The following DMXL1 variants were observed in gnomAD, a reference collection of about 807,000 sequenced individuals.
DMXL1 encodes the protein Dmx like 1.
In DMXL1, 99 loss-of-function variants were observed where a neutral mutation model predicts 319.2. That is an observed-to-expected ratio of 0.31 (90% CI 0.26 to 0.37). The LOEUF is 0.37. DMXL1 is among the 10% of genes least tolerant of loss of function. The probability of loss-of-function intolerance (pLI) is 1.00; values close to 1 mark genes in which losing one functional copy is unlikely to be tolerated. For missense variants in DMXL1, 3,745 were observed against 3,595.6 expected (o/e 1.04, Z -1.06); for synonymous variants, 1,385 against 1,235.2 (o/e 1.12, Z -2.54).
At chr5:119,134,487 G>A (rs1431975594) in intron 13 of DMXL1, 98 bp downstream of exon 13, 1 of 1,027,744 alleles carries the variant, frequency 9.7e-7, no homozygotes, top group African/African-American at 1.6e-5. Flanking sequence ...CCTATAATTT[G>A]TAATAAGCAT....
rs73242989 is a variant in DMXL1, at chr5:119,186,862, T to C, written c.7136-2846T>C. On this transcript the variant is annotated intron_variant, in intron 28 of 43. Coordinates refer to ENST00000539542, the MANE Select transcript of DMXL1 (RefSeq NM_001290321.3). The stretch of plus-strand genomic sequence containing the variant: ...GTATTTGTCTGTACAGTCTACTATC[T>C]TGACATGGAAGCTTTGTTTTAAAAA... 1.5e-3 allele frequency among the ~76,000 whole-genome samples: 235 copies of C among 152,038 alleles called. 1 individual carries two copies. Among genetic ancestry groups the C allele is most frequent in the African/African-American group, 5.2e-3 (214 of 41,458 alleles).
intron 30 of DMXL1, among the ~76,000 whole-genome samples, chr5:119,195,882 C>T (rs112651603): frequency 6.6e-6 from 1 of 152,278 alleles, no homozygotes; most frequent in African/African-American, 2.4e-5. Context: ...TCTCTTTACT[C>T]TATCCAATTT....
chr5:119,167,907 G>T, intron 23 of DMXL1, 43 bp downstream of exon 23: 1 of 1,570,754 alleles, frequency 6.4e-7, no homozygotes. Context: ...GAATATTATT[G>T]GTAATTGCTA....
chr5:119,102,472 A>G (rs757724922), intron 3 of DMXL1, among the ~76,000 whole-genome samples: 4 of 152,210 alleles, frequency 2.6e-5, no homozygotes, highest in Non-Finnish European at 4.4e-5. Flanking sequence ...TGTACTCAGA[A>G]ATAGTTCTGA....
At chr5:119,075,528 C>G (rs1014731427) in intron 1 of DMXL1, among the ~76,000 whole-genome samples, 1 of 152,032 alleles carries the variant, frequency 6.6e-6, no homozygotes, top group African/African-American at 2.4e-5. Context: ...CGTGAGCCAC[C>G]GCGCCCTGCC....
chr5:119,106,312 A>G (rs1358439486), intron 4 of DMXL1, among the ~76,000 whole-genome samples: 1 of 152,192 alleles, frequency 6.6e-6, no homozygotes, highest in Non-Finnish European at 1.5e-5. Context: ...TCACAGGTCC[A>G]GCTAATATTA....
chr5:119,150,364 G>A lies in DMXL1; in HGVS notation c.4537G>A (p.Ala1513Thr), dbSNP rs1302172397. ...GGAGCAGATGTCTTTGATGGCCTTAGCAGATACAATTGCAACTACAAGCAC... is the reference window on the plus strand; with the variant it reads ...GGAGCAGATGTCTTTGATGGCCTTAACAGATACAATTGCAACTACAAGCAC... Reference protein sequence around the residue: ...RMEQMSLMALADTIATTSTDI... With the variant: ...RMEQMSLMALTDTIATTSTDI... The change falls in exon 18 of 44, where the codon GCA (alanine) becomes ACA (threonine). Residue 1513 changes from alanine (A) to threonine (T), a missense_variant. Ala to Thr is a moderately conservative substitution (Grantham distance 58, BLOSUM62 0). Coordinates refer to ENST00000539542, the MANE Select transcript of DMXL1 (RefSeq NM_001290321.3). 1.2e-6 allele frequency: 2 copies of A among 1,613,588 alleles called. No homozygotes were observed. Among genetic ancestry groups the A allele is most frequent in the Admixed American group, 1.7e-5 (1 of 59,924 alleles).
At chr5:119,245,780 C>T (rs376335006) in intron 43 of DMXL1, among the ~76,000 whole-genome samples, 11 of 151,904 alleles carry the variant, frequency 7.2e-5, no homozygotes, top group East Asian at 3.9e-4. Context: ...CCTTGTGATC[C>T]GCCTGCCTGC....
At position 119,220,858 on chromosome 5, in the gene DMXL1, T is replaced by G. The variant is rs1784530039; in HGVS notation, c.8136-82T>G. 30 of 1,505,476 alleles carry G rather than the reference T, an allele frequency of 2.0e-5. No homozygotes were observed. In the South Asian group the frequency reaches 3.4e-4, roughly 17 times the overall value. The allele number at this position is 1,505,476 out of a possible 1,614,324, so 93.3% of individuals were successfully genotyped here. A position where few individuals can be genotyped will look rare whatever the true frequency, so the allele number is the denominator to read the frequency against. ...AGAAAATTAATTTTAAAGGGAACTA[T>G]AAATTCAAATTTTAGACCTTTCAAG... On this transcript the variant is annotated intron_variant, in intron 36 of 43. Transcript: ENST00000539542.
At chr5:119,090,559 GTT>G (rs200712247) in intron 1 of DMXL1, among the ~76,000 whole-genome samples, 2 of 118,456 alleles carry the variant, frequency 1.7e-5, no homozygotes, top group African/African-American at 3.1e-5. Context: ...TTTCTCCTCT[GTT>G]TTTTTTTTTT....
intron 28 of DMXL1, among the ~76,000 whole-genome samples, chr5:119,188,315 T>A (rs1043366547): frequency 6.6e-6 from 1 of 152,206 alleles, no homozygotes; most frequent in Non-Finnish European, 1.5e-5. Flanking sequence ...AAGCCTGTAG[T>A]CCCAGCTACT....
chr5:119,192,648 A>G (rs1056867935), intron 29 of DMXL1, among the ~76,000 whole-genome samples: 3 of 152,184 alleles, frequency 2.0e-5, no homozygotes, highest in African/African-American at 4.8e-5. Context: ...TCTTAGCATC[A>G]TTCAACATTC....
At chr5:119,102,621 G>A (rs1757505191) in intron 3 of DMXL1, among the ~76,000 whole-genome samples, 1 of 152,086 alleles carries the variant, frequency 6.6e-6, no homozygotes, top group African/African-American at 2.4e-5. Context: ...TTTGAAACCA[G>A]CCTGGGCAAG....
chr5:119,087,333 G>A (rs760167460), intron 1 of DMXL1, among the ~76,000 whole-genome samples: 3 of 151,044 alleles, frequency 2.0e-5, no homozygotes, highest in Non-Finnish European at 4.4e-5. Context: ...ACTTTTCTTA[G>A]TACTGCTTTT....
At chr5:119,148,360 G>T (rs987015294) in intron 17 of DMXL1, among the ~76,000 whole-genome samples, 1 of 152,118 alleles carries the variant, frequency 6.6e-6, no homozygotes, top group African/African-American at 2.4e-5. Flanking sequence ...AAAGAGCTGT[G>T]AAACAAATTC....
intron 1 of DMXL1, among the ~76,000 whole-genome samples, chr5:119,087,405 A>G (rs1753614244): frequency 6.6e-6 from 1 of 151,976 alleles, no homozygotes; most frequent in Non-Finnish European, 1.5e-5. Context: ...AGAAAGTTTT[A>G]ATTTCCTTCT....
At chr5:119,136,860 G>C (rs1014130057) in intron 13 of DMXL1, among the ~76,000 whole-genome samples, 7 of 152,240 alleles carry the variant, frequency 4.6e-5, no homozygotes, top group African/African-American at 1.4e-4. Flanking sequence ...TCTGCGGCAG[G>C]GGCGAAGCCC....
At chr5:119,238,801 A>T in intron 40 of DMXL1, 188 bp from the exon 41 acceptor site, 5 of 810,066 alleles carry the variant, frequency 6.2e-6, no homozygotes, top group Non-Finnish European at 7.5e-6. Flanking sequence ...AAGTTGCTGC[A>T]TCTGGGTAAA....
intron 32 of DMXL1, among the ~76,000 whole-genome samples, chr5:119,203,082 C>A (rs1422699633): frequency 6.6e-6 from 1 of 151,686 alleles, no homozygotes; most frequent in Non-Finnish European, 1.5e-5. Context: ...GATACTTTAC[C>A]TGTACATTAT....
Sources: allele counts gnomAD v4.1 joint callset (sites outside exome capture counted in the v4.1 genomes callset), GRCh38; gene constraint gnomAD v4.1.1; transcripts MANE v1.5; gene names NCBI Gene and HGNC (gene_info 2026-07-23, HGNC 2026-07-21).